The following CALN1 variants were observed in gnomAD, a reference collection of about 807,000 sequenced individuals.
CALN1 encodes calneuron 1.
In CALN1, 17 loss-of-function variants were observed where a neutral mutation model predicts 30.6. The ratio of observed to expected loss-of-function variants is 0.56; its 90% CI spans 0.38 to 0.83. The LOEUF (loss-of-function observed/expected upper bound fraction) is 0.83, where lower values mean the gene tolerates loss of function less well. CALN1 is among the 40% of genes least tolerant of loss of function. CALN1 has a pLI of 0.00. For missense variants in CALN1, 291 were observed against 354.9 expected (o/e 0.82, Z 1.45); for synonymous variants, 156 against 131.4 (o/e 1.19, Z -1.28).
intron 4 of CALN1, among the ~76,000 whole-genome samples, chr7:72,062,511 C>CAAAAAAAAAAAAA (rs376093442): frequency 5.1e-5 from 3 of 59,374 alleles, no homozygotes; most frequent in Non-Finnish European, 9.4e-5. Context: ...GACTCTATCT[C>CAAAAAAAAAAAAA]AAAAAAAAAA....
chr7:71,845,305 T>C (rs1035007418), intron 5 of CALN1, among the ~76,000 whole-genome samples: 1 of 152,264 alleles, frequency 6.6e-6, no homozygotes, highest in Non-Finnish European at 1.5e-5. Context: ...ATTCCATTCA[T>C]CTTTCCAATT....
chr7:71,910,657 G>C (rs1256095038), intron 5 of CALN1, among the ~76,000 whole-genome samples: 1 of 152,000 alleles, frequency 6.6e-6, no homozygotes, highest in African/African-American at 2.4e-5. Context: ...AGTTATGTAA[G>C]AACAGAGAAA....
At chr7:72,320,765 G>A (rs940897015) in intron 2 of CALN1, among the ~76,000 whole-genome samples, 44 of 150,940 alleles carry the variant, frequency 2.9e-4, no homozygotes, top group African/African-American at 1.0e-3. Flanking sequence ...AGCCAGGGAG[G>A]CGGAGGTTGC....
At chr7:72,001,119 G>A (rs1175214825) in intron 5 of CALN1, among the ~76,000 whole-genome samples, 1 of 152,154 alleles carries the variant, frequency 6.6e-6, no homozygotes, top group Non-Finnish European at 1.5e-5. Context: ...CAGCATCAGG[G>A]AAAGGCAGTC....
intron 3 of CALN1, among the ~76,000 whole-genome samples, chr7:72,226,594 A>T (rs2129550285): frequency 1.3e-5 from 2 of 152,370 alleles, no homozygotes; most frequent in East Asian, 1.9e-4. Flanking sequence ...TTACATGGAC[A>T]GGATAAAAGT....
intron 3 of CALN1, among the ~76,000 whole-genome samples, chr7:72,251,738 G>A (rs1469217846): frequency 2.6e-5 from 4 of 152,144 alleles, no homozygotes; most frequent in Admixed American, 1.3e-4. Context: ...AATAGATTAC[G>A]TGAATATGAG....
intron 5 of CALN1, among the ~76,000 whole-genome samples, chr7:71,897,972 C>CAAAAAAAAAAAAAAAAA (rs1207497270): frequency 1.7e-5 from 1 of 59,058 alleles, no homozygotes; most frequent in Non-Finnish European, 2.7e-5. Flanking sequence ...AAACAAAAAA[C>CAAAAAAAAAAAAAAAAA]AAAAAAAAAA....
intron 3 of CALN1, among the ~76,000 whole-genome samples, chr7:72,144,671 T>C (rs1055926661): frequency 2.0e-5 from 3 of 152,176 alleles, no homozygotes; most frequent in African/African-American, 7.2e-5. Context: ...AGACTATACA[T>C]TCTTCTCAGC....
chr7:71,886,188 A>T (rs759310818), intron 5 of CALN1, among the ~76,000 whole-genome samples: 5 of 152,244 alleles, frequency 3.3e-5, no homozygotes, highest in South Asian at 4.1e-4. Context: ...TCACAGTGAC[A>T]TACAAAGCCC....
At chr7:72,219,457 T>C (rs1008307730) in intron 3 of CALN1, among the ~76,000 whole-genome samples, 16 of 152,124 alleles carry the variant, frequency 1.1e-4, no homozygotes, top group African/African-American at 3.6e-4. Flanking sequence ...CTCAAACTCC[T>C]GGCCTCAAGT....
chr7:71,850,742 C>T (rs1475970328), intron 5 of CALN1, among the ~76,000 whole-genome samples: 1 of 152,106 alleles, frequency 6.6e-6, no homozygotes, highest in African/African-American at 2.4e-5. Flanking sequence ...CAGAACAATA[C>T]AATTAGCTCT....
chr7:71,808,464 C>T (rs12699093), intron 6 of CALN1, among the ~76,000 whole-genome samples: 53,605 of 151,308 alleles, frequency 0.35, 10,169 homozygotes, highest in East Asian at 0.6. Context: ...TTGCTATTAA[C>T]GATCATTATA....
chr7:72,369,289 A>T (rs1804070379), intron 2 of CALN1, among the ~76,000 whole-genome samples: 1 of 146,076 alleles, frequency 6.8e-6, no homozygotes, highest in African/African-American at 2.6e-5. Context: ...TACATATAAA[A>T]TATATATATT....
At chr7:72,073,038 G>C (rs1217361542) in intron 4 of CALN1, among the ~76,000 whole-genome samples, 1 of 152,182 alleles carries the variant, frequency 6.6e-6, no homozygotes, top group Non-Finnish European at 1.5e-5. Flanking sequence ...GTGAATGACA[G>C]AAGTAATTAC....
intron 3 of CALN1, among the ~76,000 whole-genome samples, chr7:72,273,451 C>A (rs1474082900): frequency 7.6e-6 from 1 of 132,290 alleles, no homozygotes. Context: ...CGGGCGGGGG[C>A]GGTGGGGAAT....
At chr7:72,193,663 T>C (rs1027535260) in intron 3 of CALN1, among the ~76,000 whole-genome samples, 8 of 152,202 alleles carry the variant, frequency 5.3e-5, no homozygotes, top group African/African-American at 1.9e-4. Context: ...CTGTAGGCAA[T>C]TGTAGCACAG....
At chr7:72,352,513 G>T (rs1414946709) in intron 2 of CALN1, among the ~76,000 whole-genome samples, 2 of 150,786 alleles carry the variant, frequency 1.3e-5, no homozygotes, top group Non-Finnish European at 2.9e-5. Flanking sequence ...AATTCCCCAA[G>T]ATTTTACAAG....
intron 5 of CALN1, among the ~76,000 whole-genome samples, chr7:71,873,165 G>C (rs983591145): frequency 2.7e-5 from 4 of 150,896 alleles, no homozygotes; most frequent in Non-Finnish European, 4.4e-5. Flanking sequence ...CACCACGCCT[G>C]GCTAATTTTT....
rs3032183 is a variant in CALN1, at chr7:72,349,282, T to TTGTGTGTG, written c.119+53961_119+53968dup. Among the ~76,000 whole-genome samples, 1,291 of 147,838 alleles carry TTGTGTGTG rather than the reference T, an allele frequency of 8.7e-3. 10 individuals carry two copies. Among genetic ancestry groups the TTGTGTGTG allele is most frequent in the African/African-American group, 0.022 (884 of 39,916 alleles). On this transcript the variant is annotated intron_variant, in intron 2 of 6. Transcript: ENST00000395275. The stretch of plus-strand genomic sequence containing the variant: ...AGAGAGAGACTGTAAACACGCGTGC[T>TTGTGTGTG]TGTGTGTGTGTGTGTGTGTGTGTGT...
Sources: gnomAD v4.1 joint callset for allele counts (sites outside exome capture counted in the v4.1 genomes callset) on GRCh38, gnomAD v4.1.1 for gene constraint, MANE v1.5 for transcripts, NCBI Gene and HGNC (gene_info 2026-07-23, HGNC 2026-07-21) for gene names.